The following NEGR1 variants were observed in gnomAD, a reference collection of about 807,000 sequenced individuals.
NEGR1 encodes the protein neuronal growth regulator 1.
Under a neutral mutation model 40.9 loss-of-function variants are expected in NEGR1, and 10 were observed. The ratio of observed to expected loss-of-function variants is 0.24; its 90% CI spans 0.15 to 0.42. NEGR1 has a LOEUF of 0.42. Among genes scored for constraint, NEGR1 ranks in the 10% least tolerant of loss-of-function variants. The probability of loss-of-function intolerance (pLI) is 1.00; values close to 1 mark genes in which losing one functional copy is unlikely to be tolerated. For missense variants in NEGR1, 352 were observed against 438.9 expected (o/e 0.80, Z 1.77); for synonymous variants, 185 against 166.8 (o/e 1.11, Z -0.84).
chr1:72,128,975 A>ACAC (rs1650137392), intron 1 of NEGR1, among the ~76,000 whole-genome samples: 1 of 152,082 alleles, frequency 6.6e-6, no homozygotes, highest in Non-Finnish European at 1.5e-5. Flanking sequence ...ATTCAGACTT[A>ACAC]CACCACCAAG....
chr1:71,742,837 G>A (rs949461397), intron 3 of NEGR1, among the ~76,000 whole-genome samples: 2 of 152,178 alleles, frequency 1.3e-5, no homozygotes, highest in African/African-American at 2.4e-5. Context: ...AAAAGGACAT[G>A]AATTGTGGGA....
At chr1:71,905,021 A>G (rs1024330474) in intron 2 of NEGR1, among the ~76,000 whole-genome samples, 3 of 152,114 alleles carry the variant, frequency 2.0e-5, no homozygotes, top group African/African-American at 4.8e-5. Context: ...TATATTTAGA[A>G]TGTTCCTCCA....
At chr1:71,888,308 G>T (rs1235943576) in intron 2 of NEGR1, among the ~76,000 whole-genome samples, 1 of 152,078 alleles carries the variant, frequency 6.6e-6, no homozygotes, top group Non-Finnish European at 1.5e-5. Flanking sequence ...TGAGGTACCG[G>T]GTTCATCTCA....
chr1:71,438,154 T>C (rs1203161189), intron 6 of NEGR1, among the ~76,000 whole-genome samples: 1 of 152,200 alleles, frequency 6.6e-6, no homozygotes, highest in Non-Finnish European at 1.5e-5. Context: ...TTTGAGGATG[T>C]TTATGTATTC....
chr1:71,901,208 G>T (rs1661135036), intron 2 of NEGR1, among the ~76,000 whole-genome samples: 1 of 152,088 alleles, frequency 6.6e-6, no homozygotes, highest in African/African-American at 2.4e-5. Context: ...ATAGTTAGTA[G>T]AAACAAAACG....
chr1:72,010,859 A>T (rs1166255819), intron 1 of NEGR1, among the ~76,000 whole-genome samples: 4 of 152,130 alleles, frequency 2.6e-5, no homozygotes, highest in African/African-American at 9.7e-5. Flanking sequence ...ATATTTAAAG[A>T]TAATTACAAT....
At chr1:71,568,212 G>T (rs1648684821) in intron 6 of NEGR1, among the ~76,000 whole-genome samples, 1 of 152,158 alleles carries the variant, frequency 6.6e-6, no homozygotes, top group African/African-American at 2.4e-5. Context: ...ACCCCTCTAT[G>T]AAATCGGTGT....
At chr1:71,907,088 T>C (rs1368825495) in intron 2 of NEGR1, among the ~76,000 whole-genome samples, 1 of 152,196 alleles carries the variant, frequency 6.6e-6, no homozygotes, top group Non-Finnish European at 1.5e-5. Flanking sequence ...CTTGGTTTCA[T>C]TTGTAAAAAA....
chr1:72,282,259 T>C (rs1294109293), intron 1 of NEGR1, 60 bp downstream of exon 1: 2 of 1,587,474 alleles, frequency 1.3e-6, no homozygotes, highest in Non-Finnish European at 1.7e-6. Flanking sequence ...GCAAAGAGGG[T>C]TCAAAGAGAG....
chr1:72,145,298 T>C (rs761589716), intron 1 of NEGR1, among the ~76,000 whole-genome samples: 1 of 152,128 alleles, frequency 6.6e-6, no homozygotes, highest in Non-Finnish European at 1.5e-5. Context: ...ATTGTGTGTG[T>C]TCTTCTGACT....
At chr1:71,979,344 T>A (rs1424052683) in intron 1 of NEGR1, among the ~76,000 whole-genome samples, 2 of 152,148 alleles carry the variant, frequency 1.3e-5, no homozygotes, top group East Asian at 3.9e-4. Flanking sequence ...AGCATATGTA[T>A]TCCTGAACCT....
At chr1:71,410,778 C>A (rs1646314676) in intron 6 of NEGR1, among the ~76,000 whole-genome samples, 1 of 152,060 alleles carries the variant, frequency 6.6e-6, no homozygotes, top group African/African-American at 2.4e-5. Context: ...AAGAACAGGG[C>A]TAATGATACT....
At chr1:71,815,527 T>C (rs1570385847) in intron 2 of NEGR1, among the ~76,000 whole-genome samples, 2 of 152,124 alleles carry the variant, frequency 1.3e-5, no homozygotes, top group Middle Eastern at 3.4e-3. Context: ...CCCACTATTG[T>C]TGTGTGGGAA....
rs143942330 is a variant in NEGR1 at position 71,601,826 on chromosome 1, T to C, written c.789-8858A>G. ...AAAAGTGGGAGGGCTGGGAGAGGAGTGAGGGATGAAAAATTACTTATTGAG... is the reference window on the plus strand; with the variant it reads ...AAAAGTGGGAGGGCTGGGAGAGGAGCGAGGGATGAAAAATTACTTATTGAG... On this transcript the variant is annotated intron_variant, in intron 5 of 6. Coordinates refer to ENST00000357731, the MANE Select transcript of NEGR1 (RefSeq NM_173808.3). Among the ~76,000 whole-genome samples, 464 of 151,700 alleles carry C rather than the reference T, an allele frequency of 3.1e-3. 9 individuals are homozygous for C. Among genetic ancestry groups the C allele is most frequent in the East Asian group, 0.024 (125 of 5,148 alleles).
chr1:71,464,030 G>A (rs1486575372), intron 6 of NEGR1, among the ~76,000 whole-genome samples: 2 of 152,124 alleles, frequency 1.3e-5, no homozygotes, highest in African/African-American at 4.8e-5. Flanking sequence ...TCTCTTTCCT[G>A]GGATGCTGCT....
chr1:71,557,182 A>T (rs544254060), intron 6 of NEGR1, among the ~76,000 whole-genome samples: 12 of 151,752 alleles, frequency 7.9e-5, no homozygotes, highest in Admixed American at 1.3e-4. Flanking sequence ...GTTTTGGAAC[A>T]CAAATGCCTT....
At chr1:72,216,736 G>A (rs1653834718) in intron 1 of NEGR1, among the ~76,000 whole-genome samples, 1 of 151,070 alleles carries the variant, frequency 6.6e-6, no homozygotes, top group Non-Finnish European at 1.5e-5. Flanking sequence ...ATAAATTAAT[G>A]TGATTATTGA....
At chr1:71,552,971 T>C (rs1452918723) in intron 6 of NEGR1, among the ~76,000 whole-genome samples, 1 of 151,548 alleles carries the variant, frequency 6.6e-6, no homozygotes, top group Non-Finnish European at 1.5e-5. Flanking sequence ...AACTTTTCTA[T>C]TCTTAAATTT....
chr1:71,864,685 G>A (rs987638785), intron 2 of NEGR1, among the ~76,000 whole-genome samples: 3 of 151,950 alleles, frequency 2.0e-5, no homozygotes, highest in African/African-American at 7.3e-5. Context: ...TATTTCCAGG[G>A]CCAAAATAGA....
Sources: gnomAD v4.1 joint callset for allele counts (sites outside exome capture counted in the v4.1 genomes callset) on GRCh38, gnomAD v4.1.1 for gene constraint, MANE v1.5 for transcripts, NCBI Gene and HGNC (gene_info 2026-07-23, HGNC 2026-07-21) for gene names.